NCALD: variants seen among roughly 807,000 people sequenced by gnomAD.
NCALD encodes the protein neurocalcin delta.
A neutral mutation model predicts 18.6 loss-of-function variants in NCALD; 10 were observed. The observed-to-expected ratio is 0.54, with a 90% CI of 0.33 to 0.91. NCALD has a LOEUF of 0.91. NCALD is among the 40% of genes least tolerant of loss of function. The pLI is 0.03. For missense variants in NCALD, 184 were observed against 247.6 expected, an observed-to-expected ratio of 0.74 and a Z score of 1.72; for synonymous variants, 88 against 87.4, an observed-to-expected ratio of 1.01 and a Z score of -0.04.
At chr8:101,904,735 T>C (rs1399939140) in intron 3 of NCALD, among the ~76,000 whole-genome samples, 1 of 152,208 alleles carries the variant, frequency 6.6e-6, no homozygotes, top group South Asian at 2.1e-4. Context: ...TTACTCCAAC[T>C]ATTGCAGCCA....
intron 2 of NCALD, among the ~76,000 whole-genome samples, chr8:102,005,994 C>T (rs112423440): frequency 6.6e-6 from 1 of 150,732 alleles, no homozygotes; most frequent in Non-Finnish European, 1.5e-5. Flanking sequence ...CTAACCTGCA[C>T]GTTGTGCACA....
At chr8:101,898,427 C>A (rs1016397047) in intron 3 of NCALD, among the ~76,000 whole-genome samples, 1 of 152,004 alleles carries the variant, frequency 6.6e-6, no homozygotes, top group African/African-American at 2.4e-5. Flanking sequence ...AATCTAGGTA[C>A]GTGTTTTGCA....
intron 2 of NCALD, among the ~76,000 whole-genome samples, chr8:101,958,050 T>C (rs1314655090): frequency 1.3e-5 from 2 of 152,174 alleles, no homozygotes; most frequent in African/African-American, 4.8e-5. Context: ...ACTCTGATGG[T>C]ATGATCCCAC....
At chr8:101,832,122 G>C (rs1814214913) in intron 4 of NCALD, among the ~76,000 whole-genome samples, 1 of 152,154 alleles carries the variant, frequency 6.6e-6, no homozygotes, top group South Asian at 2.1e-4. Flanking sequence ...TATATACCAG[G>C]CTTCGTGGTC....
chr8:102,075,951 C>CA (rs754804423), intron 1 of NCALD, among the ~76,000 whole-genome samples: 3,222 of 121,250 alleles, frequency 0.027, 86 homozygotes, highest in African/African-American at 0.076. Context: ...GATTCTGTCT[C>CA]AAAAAAAAAA....
At chr8:101,776,027 G>A (rs914782172) in intron 1 of NCALD, among the ~76,000 whole-genome samples, 1 of 152,128 alleles carries the variant, frequency 6.6e-6, no homozygotes, top group South Asian at 2.1e-4. Flanking sequence ...TTGGAGTCAG[G>A]GTCTCTGCCT....
chr8:101,869,079 T>A (rs1178708039), intron 4 of NCALD, among the ~76,000 whole-genome samples: 4 of 152,200 alleles, frequency 2.6e-5, no homozygotes, highest in African/African-American at 4.8e-5. Context: ...AGGATGGAGC[T>A]GTAACAATGT....
At chr8:101,702,474 C>T (rs1217310740) in intron 2 of NCALD, among the ~76,000 whole-genome samples, 1 of 152,116 alleles carries the variant, frequency 6.6e-6, no homozygotes, top group Non-Finnish European at 1.5e-5. Flanking sequence ...AAGAGATCTT[C>T]CTTCCTCAGC....
rs1268385277 is a variant in NCALD at position 101,803,113 on chromosome 8, T to TA, written c.-19-83466dup. ...AAGTCAATGGCTGGCTTCAAGGCTT[T>TA]AAAAAACAGGCTGACTCTTTGTTAG... is the stretch of plus-strand genomic sequence containing the variant. On this transcript the variant is annotated intron_variant, in intron 4 of 6. Transcript: ENST00000311028. Among the ~76,000 whole-genome samples, 11 of 152,156 alleles carry TA rather than the reference T, an allele frequency of 7.2e-5. 1 individual carries two copies. Among genetic ancestry groups the TA allele is most frequent in the Admixed American group, 7.2e-4 (11 of 15,272 alleles).
At chr8:101,763,966 C>CCACA (rs754411989) in intron 1 of NCALD, among the ~76,000 whole-genome samples, 63 of 85,294 alleles carry the variant, frequency 7.4e-4, no homozygotes, top group African/African-American at 2.2e-3. Flanking sequence ...CTCTCTCTCT[C>CCACA]CACACACACA....
At chr8:102,037,689 A>G (rs933706105) in intron 1 of NCALD, among the ~76,000 whole-genome samples, 1 of 152,096 alleles carries the variant, frequency 6.6e-6, no homozygotes, top group Non-Finnish European at 1.5e-5. Context: ...TAACAAATAC[A>G]CAAATGCTCT....
At chr8:101,809,051 G>C (rs1211162057) in intron 4 of NCALD, among the ~76,000 whole-genome samples, 1 of 152,158 alleles carries the variant, frequency 6.6e-6, no homozygotes. Flanking sequence ...TTAATAAGCT[G>C]TGGAATGTTA....
At chr8:101,844,780 CT>C (rs1435920332) in intron 4 of NCALD, among the ~76,000 whole-genome samples, 1 of 152,174 alleles carries the variant, frequency 6.6e-6, no homozygotes, top group African/African-American at 2.4e-5. Context: ...AGTTCTTATT[CT>C]AGCAATATTG....
intron 3 of NCALD, among the ~76,000 whole-genome samples, chr8:101,903,560 T>C (rs529384616): frequency 2.6e-5 from 4 of 152,254 alleles, no homozygotes; most frequent in Middle Eastern, 6.8e-3. Flanking sequence ...ATGAGGACTG[T>C]AGAGAAGTTG....
intron 1 of NCALD, among the ~76,000 whole-genome samples, chr8:102,023,323 TAGA>T (rs1822341706): frequency 6.8e-6 from 1 of 146,356 alleles, no homozygotes; most frequent in South Asian, 2.2e-4. Flanking sequence ...AAAGCACTCT[TAGA>T]ATAGAGAGGA....
intron 2 of NCALD, among the ~76,000 whole-genome samples, chr8:101,701,602 G>C (rs1815270707): frequency 6.6e-6 from 1 of 152,166 alleles, no homozygotes; most frequent in Non-Finnish European, 1.5e-5. Flanking sequence ...TGGAAAGAGA[G>C]GACTCAGGTC....
chr8:102,033,477 A>G (rs1047271055), intron 1 of NCALD, among the ~76,000 whole-genome samples: 1 of 152,324 alleles, frequency 6.6e-6, no homozygotes, highest in Non-Finnish European at 1.5e-5. Flanking sequence ...GCTAGTCACA[A>G]AATTTTGCTA....
intron 1 of NCALD, among the ~76,000 whole-genome samples, chr8:101,763,510 T>C (rs984530472): frequency 1.3e-5 from 2 of 152,184 alleles, no homozygotes; most frequent in Admixed American, 6.5e-5. Flanking sequence ...AGACGTGCTG[T>C]GTGTGATCGT....
At chr8:101,980,258 G>C (rs1167258551) in intron 2 of NCALD, among the ~76,000 whole-genome samples, 1 of 152,170 alleles carries the variant, frequency 6.6e-6, no homozygotes, top group South Asian at 2.1e-4. Context: ...TGGAGGTGGG[G>C]CGCACATTAG....
Sources: gnomAD v4.1 joint callset for allele counts (sites outside exome capture counted in the v4.1 genomes callset) on GRCh38, gnomAD v4.1.1 for gene constraint, MANE v1.5 for transcripts, NCBI Gene and HGNC (gene_info 2026-07-23, HGNC 2026-07-21) for gene names.